ACSL1: variants seen among roughly 807,000 people sequenced by gnomAD.
ACSL1 encodes the protein long-chain-fatty-acid--CoA ligase 1.
ACSL1 carries 41 observed loss-of-function variants against 98.4 expected under a neutral mutation model. The observed-to-expected ratio is 0.42, with a 90% CI of 0.32 to 0.54. The LOEUF (loss-of-function observed/expected upper bound fraction) is 0.54, where lower values mean the gene tolerates loss of function less well. Among genes scored for constraint, ACSL1 ranks in the 20% least tolerant of loss-of-function variants. The pLI is 0.13. For synonymous variants in ACSL1, 316 were observed against 322.7 expected (o/e 0.98, Z 0.22); for missense variants, 734 against 883.1 (o/e 0.83, Z 2.14).
chr4:184,807,579 C>A (rs997787804), intron 1 of ACSL1, among the ~76,000 whole-genome samples: 2 of 152,172 alleles, frequency 1.3e-5, no homozygotes, highest in Non-Finnish European at 2.9e-5. Context: ...ACAGGAGATT[C>A]CTTTAAATAG....
chr4:184,792,242 A>T (rs1357331885), intron 2 of ACSL1, among the ~76,000 whole-genome samples: 1 of 152,200 alleles, frequency 6.6e-6, no homozygotes, highest in South Asian at 2.1e-4. Context: ...GAAGCAGTAA[A>T]TGAGACATCT....
rs1326926117 is a variant in ACSL1 at position 184,757,795 on chromosome 4, AGACTG to A, written c.1884+19_1884+23del. ...TTTAATGCCAAGTTATGATGAGGAC[AGACTG>A]GACCCTTCAGAACCTTACCTTATTT... On this transcript the variant is annotated intron_variant, in intron 19 of 20. Coordinates refer to ENST00000281455, the MANE Select transcript of ACSL1 (RefSeq NM_001995.5). This position sits in a 1 kb window ranked among gnomAD's most constrained non-coding sequence, Gnocchi z 4.5. 3 of 1,612,790 alleles carry A rather than the reference AGACTG, an allele frequency of 1.9e-6. No individual in the cohort carries two copies. In the African/African-American group the frequency reaches 4.0e-5, roughly 22 times the overall value.
At chr4:184,809,774 C>A (rs765338866) in intron 1 of ACSL1, among the ~76,000 whole-genome samples, 6 of 152,172 alleles carry the variant, frequency 3.9e-5, no homozygotes, top group Non-Finnish European at 8.8e-5. Context: ...CCAGCCTGGG[C>A]GACAGAGCGA....
At chr4:184,793,194 TAAAAAAAAAA>T (rs5864899) in intron 2 of ACSL1, among the ~76,000 whole-genome samples, 2 of 135,996 alleles carry the variant, frequency 1.5e-5, no homozygotes, top group African/African-American at 2.7e-5. Flanking sequence ...TGTTCCCAGT[TAAAAAAAAAA>T]AAAAAAAAGA....
chr4:184,773,833 G>A lies in ACSL1; in HGVS notation c.789+10C>T. ...AGAGGACAGAGCAGGGTCTGACACG[G>A]TGTGCTTACCTTGGGCTTCCGTCTG... On this transcript the variant is annotated intron_variant, in intron 8 of 20. Transcript: ENST00000281455. This position sits in a 1 kb window ranked among gnomAD's most constrained non-coding sequence, Gnocchi z 4.3. 6.2e-7 allele frequency: 1 copy of A among 1,613,934 alleles called. No individual in the cohort carries two copies. The highest frequency in any genetic ancestry group is 8.5e-7 in the Non-Finnish European group (1 of 1,179,850).
At chr4:184,785,274 C>G (rs915831058) in intron 3 of ACSL1, among the ~76,000 whole-genome samples, 2 of 152,136 alleles carry the variant, frequency 1.3e-5, no homozygotes, top group African/African-American at 4.8e-5. Context: ...GATACTATAC[C>G]AGGTTCTACT....
intron 1 of ACSL1, among the ~76,000 whole-genome samples, chr4:184,816,765 A>G (rs1191564707): frequency 6.6e-6 from 1 of 152,130 alleles, no homozygotes; most frequent in Non-Finnish European, 1.5e-5. Flanking sequence ...CTCAGGTGAC[A>G]TTTCTGAGGC....
intron 11 of ACSL1, among the ~76,000 whole-genome samples, chr4:184,769,857 TGATTACAG>T (rs1764224031): frequency 6.6e-6 from 1 of 152,194 alleles, no homozygotes; most frequent in South Asian, 2.1e-4. Flanking sequence ...GTCACACAGT[TGATTACAG>T]GGAGCCTAGG....
chr4:184,814,934 C>T (rs1182100244), intron 1 of ACSL1: 4 of 443,534 alleles, frequency 9.0e-6, no homozygotes, highest in African/African-American at 8.1e-5. Flanking sequence ...TCTGAACATT[C>T]CAGGGGGATA....
chr4:184,811,178 G>C (rs897313637), intron 1 of ACSL1, among the ~76,000 whole-genome samples: 4 of 150,802 alleles, frequency 2.7e-5, no homozygotes, highest in Admixed American at 6.6e-5. Context: ...GTGTGATCTC[G>C]GCTCACTGCA....
intron 1 of ACSL1, among the ~76,000 whole-genome samples, chr4:184,812,637 A>T (rs112806869): frequency 0.017 from 2,532 of 152,288 alleles, 62 homozygotes; most frequent in African/African-American, 0.057. Flanking sequence ...TCAGCCCAAG[A>T]CTGCCATCAA....
chr4:184,816,209 T>A (rs1159108257), intron 1 of ACSL1, among the ~76,000 whole-genome samples: 1 of 151,708 alleles, frequency 6.6e-6, no homozygotes, highest in Admixed American at 6.6e-5. Context: ...GCAAAAAACA[T>A]GGGACCCTGT....
chr4:184,798,339 C>CA (rs1275981042), intron 2 of ACSL1: 1 of 152,228 alleles, frequency 6.6e-6, no homozygotes, highest in Non-Finnish European at 1.5e-5. Context: ...TATCTAAAAA[C>CA]AAACAAATAA....
At chr4:184,784,274 C>CT (rs1010548613) in intron 3 of ACSL1, among the ~76,000 whole-genome samples, 24 of 152,028 alleles carry the variant, frequency 1.6e-4, no homozygotes, top group African/African-American at 5.5e-4. Context: ...TGTGATTCCT[C>CT]TTTAACACCC....
At chr4:184,764,206 A>T (rs1763249203) in intron 15 of ACSL1, among the ~76,000 whole-genome samples, 1 of 152,230 alleles carries the variant, frequency 6.6e-6, no homozygotes, top group African/African-American at 2.4e-5. Flanking sequence ...AATGCCGCGT[A>T]AATTCTCATA....
chr4:184,811,485 T>C (rs1399712471), intron 1 of ACSL1, among the ~76,000 whole-genome samples: 1 of 152,060 alleles, frequency 6.6e-6, no homozygotes, highest in Admixed American at 6.6e-5. Context: ...ATGTAGTCTA[T>C]ACAATGGAAC....
chr4:184,762,546 T>C (rs747513788), intron 16 of ACSL1, 23 bp from the exon 17 acceptor site: 2 of 1,599,552 alleles, frequency 1.3e-6, no homozygotes, highest in South Asian at 1.1e-5. Context: ...AGATCATCAG[T>C]GAACAGCATT....
At chr4:184,759,016 G>C (rs1468890921) in intron 18 of ACSL1, 1 of 150,012 alleles carries the variant, frequency 6.7e-6, no homozygotes, top group Non-Finnish European at 1.5e-5. Flanking sequence ...TTTTGTCCTT[G>C]TGATAGTTTG....
chr4:184,765,997 G>A lies in ACSL1; in HGVS notation c.1264-11C>T. 1 of 1,613,050 alleles carries A rather than the reference G, an allele frequency of 6.2e-7. No homozygotes were observed. Among genetic ancestry groups the A allele is most frequent in the South Asian group, 1.1e-5 (1 of 90,972 alleles). ...TCCGCCCAGGCTCGACTTTCAGGGA[G>A]GGAGAGTGGGAGAAGGTGAGGGTTA... On this transcript the variant is annotated splice_polypyrimidine_tract_variant and intron_variant, in intron 13 of 20. Transcript: ENST00000281455.
Sources: gnomAD v4.1 joint callset for allele counts (sites outside exome capture counted in the v4.1 genomes callset) on GRCh38, gnomAD v4.1.1 for gene constraint, Gnocchi (gnomAD v3.1) non-coding constraint, MANE v1.5 for transcripts, NCBI Gene and HGNC (gene_info 2026-07-23, HGNC 2026-07-21) for gene names.